The following JAKMIP3 variants were observed in gnomAD, a reference collection of about 807,000 sequenced individuals.
The protein encoded by JAKMIP3 is Janus kinase and microtubule interacting protein 3.
In JAKMIP3, 58 loss-of-function variants were observed where a neutral mutation model predicts 118.5. The ratio of observed to expected loss-of-function variants is 0.49; its 90% CI spans 0.40 to 0.61. JAKMIP3 has a LOEUF of 0.61. Among genes scored for constraint, JAKMIP3 ranks in the 20% least tolerant of loss-of-function variants. The probability of loss-of-function intolerance (pLI) is 0.00; values close to 1 mark genes in which losing one functional copy is unlikely to be tolerated. For missense variants in JAKMIP3, 950 were observed against 1,109.0 expected, an observed-to-expected ratio of 0.86 and a Z score of 2.04; for synonymous variants, 486 against 451.2, an observed-to-expected ratio of 1.08 and a Z score of -0.98.
At chr10:132,153,884 G>A in intron 18 of JAKMIP3, 29 bp from the exon 19 acceptor site, 1 of 1,612,846 alleles carries the variant, frequency 6.2e-7, no homozygotes, top group Non-Finnish European at 8.5e-7. Flanking sequence ...GGACATCCGA[G>A]ACCGAGGCAT....
intron 19 of JAKMIP3, among the ~76,000 whole-genome samples, chr10:132,162,855 G>A (rs544712473): frequency 1.3e-5 from 2 of 152,308 alleles, no homozygotes; most frequent in East Asian, 3.9e-4. Context: ...GAGGCAGCGT[G>A]TGACCCCACA....
Position 132,119,193 on chromosome 10 carries a change from C to CTT in JAKMIP3, c.633+1627_633+1628dup, listed in dbSNP as rs11403839. Among the ~76,000 whole-genome samples the CTT allele has an allele frequency of 4.7e-3, 711 of 151,166 alleles. 4 individuals are homozygous for CTT. Among genetic ancestry groups the CTT allele is most frequent in the African/African-American group, 0.01 (417 of 41,158 alleles). On this transcript the variant is annotated intron_variant, in intron 3 of 23. Coordinates refer to ENST00000684848, the MANE Select transcript of JAKMIP3 (RefSeq NM_001323087.2). ...GCCAGATCTCTCCCCTCCGTACAGGCTTTTTTTTTGCAGCTACGGGCAAGC... is the reference window on the plus strand; with the variant it reads ...GCCAGATCTCTCCCCTCCGTACAGGCTTTTTTTTTTTGCAGCTACGGGCAAGC...
At chr10:132,133,557 C>T (rs370000537) in intron 4 of JAKMIP3, 30 bp downstream of exon 4, 3 of 1,538,226 alleles carry the variant, frequency 2.0e-6, no homozygotes, top group Non-Finnish European at 2.6e-6. Context: ...ACCGGCCCAC[C>T]CCGTGTCACA....
intron 9 of JAKMIP3, 142 bp from the exon 10 acceptor site, chr10:132,140,309 C>CG: frequency 1.6e-6 from 2 of 1,235,028 alleles, no homozygotes; most frequent in Non-Finnish European, 2.3e-6. Flanking sequence ...GCCACCTCCT[C>CG]GGCCTGTGCC....
chr10:132,118,332 C>A lies in JAKMIP3; in HGVS notation c.633+758C>A, dbSNP rs2048038743. On this transcript the variant is annotated intron_variant, in intron 3 of 23. Transcript: ENST00000684848. This position sits in a 1 kb window ranked among gnomAD's most constrained non-coding sequence, Gnocchi z 4.8. ...CAGGGATTGCAAGGGACTGATTCCA[C>A]CCGATGCCCCTTGTCCTTTGGAGAG... Among the ~76,000 whole-genome samples, 1 of 152,354 alleles carries A rather than the reference C, an allele frequency of 6.6e-6. No homozygotes were observed. Among genetic ancestry groups the A allele is most frequent in the Middle Eastern group, 3.4e-3 (1 of 294 alleles).
intron 1 of JAKMIP3, among the ~76,000 whole-genome samples, chr10:132,083,380 C>T (rs1024334379): frequency 1.3e-5 from 2 of 151,808 alleles, no homozygotes; most frequent in Non-Finnish European, 2.9e-5. Context: ...TTGATGGGTT[C>T]GTTTTTTTCT....
chr10:132,136,958 A>G (rs1245809668), intron 6 of JAKMIP3, 61 bp from the exon 7 acceptor site: 33 of 1,567,572 alleles, frequency 2.1e-5, no homozygotes, highest in Non-Finnish European at 2.9e-5. Context: ...CCGCCGACCC[A>G]CTGTGTTCAG....
Position 132,096,332 on chromosome 10 carries a change from T to C in JAKMIP3, c.-137-8340T>C, listed in dbSNP as rs116381624. ...CTCAAAAGGGACTTCTAGTTATTAA[T>C]GTGACCTAAGCCTTCCTGCCAGTAG... On this transcript the variant is annotated intron_variant, in intron 1 of 23. Coordinates refer to ENST00000684848, the MANE Select transcript of JAKMIP3 (RefSeq NM_001323087.2). 1.3e-3 allele frequency among the ~76,000 whole-genome samples: 201 copies of C among 152,356 alleles called. 1 individual carries two copies. The highest frequency in any genetic ancestry group is 4.6e-3 in the African/African-American group (192 of 41,598).
At chr10:132,070,498 A>C (rs551760085) in intron 1 of JAKMIP3, among the ~76,000 whole-genome samples, 1 of 152,130 alleles carries the variant, frequency 6.6e-6, no homozygotes, top group South Asian at 2.1e-4. Flanking sequence ...CTGCTTTTTG[A>C]TGTCTTCAGA....
chr10:132,096,149 G>A (rs1456028867), intron 1 of JAKMIP3, among the ~76,000 whole-genome samples: 1 of 152,234 alleles, frequency 6.6e-6, no homozygotes, highest in Non-Finnish European at 1.5e-5. Flanking sequence ...ATTGGGAGCA[G>A]TAGACAATTG....
chr10:132,062,234 G>C (rs2038419630), upstream of JAKMIP3, among the ~76,000 whole-genome samples: 1 of 152,216 alleles, frequency 6.6e-6, no homozygotes, highest in African/African-American at 2.4e-5. Flanking sequence ...CCCTCAGACT[G>C]CCCATCAGGC....
At chr10:132,111,355 C>CT (rs978296267) in intron 2 of JAKMIP3, among the ~76,000 whole-genome samples, 5 of 151,622 alleles carry the variant, frequency 3.3e-5, no homozygotes, top group South Asian at 2.1e-4. Flanking sequence ...AGAGACCCCC[C>CT]CCATGAGCAC....
intron 1 of JAKMIP3, among the ~76,000 whole-genome samples, chr10:132,050,020 TTTG>T (rs570343838): frequency 5.0e-4 from 76 of 152,352 alleles, no homozygotes; most frequent in African/African-American, 1.7e-3. Context: ...ATGGTCATAT[TTTG>T]TCTCTCAGGA....
chr10:132,167,272 G>T (rs2059004203), intron 22 of JAKMIP3, among the ~76,000 whole-genome samples: 1 of 152,190 alleles, frequency 6.6e-6, no homozygotes, highest in Non-Finnish European at 1.5e-5. Context: ...CACTGTAGAG[G>T]CCGCAAGGTG....
chr10:132,082,771 C>T (rs192694135), intron 1 of JAKMIP3, among the ~76,000 whole-genome samples: 6 of 152,056 alleles, frequency 3.9e-5, no homozygotes, highest in African/African-American at 9.7e-5. Flanking sequence ...CCACCATGCC[C>T]GGCTAATTTT....
intron 1 of JAKMIP3, among the ~76,000 whole-genome samples, chr10:132,058,244 G>C (rs916960333): frequency 6.6e-6 from 1 of 152,194 alleles, no homozygotes; most frequent in African/African-American, 2.4e-5. Context: ...GGATTCATTT[G>C]GCACCCATGG....
In JAKMIP3 at chr10:132,118,545, A is replaced by T. The variant is rs567972491; in HGVS notation, c.633+971A>T. 1.3e-5 allele frequency among the ~76,000 whole-genome samples: 2 copies of T among 152,240 alleles called. No individual in the cohort carries two copies. The highest frequency in any genetic ancestry group is 4.2e-4 in the South Asian group (2 of 4,814). ...TTCCCGGGGCCTCCGGTCTCCAGGG[A>T]TGGCCTCCAGGCTGGGCCAGCATGT... On this transcript the variant is annotated intron_variant, in intron 3 of 23. Coordinates refer to ENST00000684848, the MANE Select transcript of JAKMIP3 (RefSeq NM_001323087.2). This position sits in a 1 kb window ranked among gnomAD's most constrained non-coding sequence, Gnocchi z 4.8.
intron 1 of JAKMIP3, among the ~76,000 whole-genome samples, chr10:132,077,148 T>G (rs6560677): frequency 0.76 from 114,884 of 151,922 alleles, 44,405 homozygotes; most frequent in East Asian, 1. Context: ...TCCTTGCTCG[T>G]GAGCAAAAGG....
chr10:132,063,340 T>C (rs2038472960), upstream of JAKMIP3, among the ~76,000 whole-genome samples: 1 of 152,128 alleles, frequency 6.6e-6, no homozygotes, highest in Admixed American at 6.5e-5. Context: ...GGGTGCTGGC[T>C]CCATCCCAGG....
Sources: allele counts gnomAD v4.1 joint callset (sites outside exome capture counted in the v4.1 genomes callset), GRCh38; gene constraint gnomAD v4.1.1; non-coding constraint Gnocchi (gnomAD v3.1); transcripts MANE v1.5; gene names NCBI Gene and HGNC (gene_info 2026-07-23, HGNC 2026-07-21).